REM1: variants seen among roughly 807,000 people sequenced by gnomAD.
The protein encoded by REM1 is GTP-binding protein REM 1.
In REM1, 20 loss-of-function variants were observed where a neutral mutation model predicts 27.0. The ratio of observed to expected loss-of-function variants is 0.74; its 90% CI spans 0.52 to 1.08. The LOEUF is 1.08. Ranked by LOEUF, REM1 falls within the 50% of genes least tolerant of loss-of-function variation. The probability of loss-of-function intolerance (pLI) is 0.00; values close to 1 mark genes in which losing one functional copy is unlikely to be tolerated. For synonymous variants in REM1, 159 were observed against 167.9 expected, an observed-to-expected ratio of 0.95 and a Z score of 0.41; for missense variants, 405 against 407.0, an observed-to-expected ratio of 1.00 and a Z score of 0.04.
At chr20:31,480,278 CATACATAG>C (rs1980686343) in intron 3 of REM1, among the ~76,000 whole-genome samples, 3 of 147,832 alleles carry the variant, frequency 2.0e-5, no homozygotes, top group African/African-American at 5.1e-5. Context: ...TACATACATA[CATACATAG>C]ATACTACAGC....
Position 31,477,884 on chromosome 20 carries a change from G to A in REM1, c.397G>A (p.Val133Met), listed in dbSNP as rs142116986. ...VDGEDTTLVV[V>M]DTWEAEKLDK... ...TGGAGAAGACACCACACTGGTGGTC[G>A]TGGACACCTGGGAGGCCGAGAAACT... The change falls in exon 3 of 5, where the codon GTG (valine) becomes ATG (methionine). Residue 133 changes from valine to methionine, a missense_variant. By Grantham distance (21) the Val-to-Met change is conservative. Coordinates refer to ENST00000201979, the MANE Select transcript of REM1 (RefSeq NM_014012.6). 1.9e-5 allele frequency: 30 copies of A among 1,612,156 alleles called. No homozygotes were observed. The highest frequency in any genetic ancestry group is 1.3e-4 in the South Asian group (12 of 90,852).
At position 31,475,920 on chromosome 20, in the gene REM1, C is replaced by G. The variant is rs1980478416; in HGVS notation, c.-219-307C>G. Among the ~76,000 whole-genome samples, 1 of 152,226 alleles carries G rather than the reference C, an allele frequency of 6.6e-6. No homozygotes were observed. Among genetic ancestry groups the G allele is most frequent in the African/African-American group, 2.4e-5 (1 of 41,450 alleles). On this transcript the variant is annotated intron_variant, in intron 1 of 4. Transcript: ENST00000201979. This position sits in a 1 kb window ranked among gnomAD's most constrained non-coding sequence, Gnocchi z 5.0. The stretch of plus-strand genomic sequence containing the variant: ...ATTGGGCATCGAAAGTTAAGTAGCC[C>G]CTACCCTTGGGGGAGACCTGAAACT...
intron 3 of REM1, among the ~76,000 whole-genome samples, chr20:31,479,289 C>A (rs1233733961): frequency 6.6e-6 from 1 of 152,132 alleles, no homozygotes. Flanking sequence ...TATCATGGAC[C>A]AGGACCTTGG....
At chr20:31,482,213 C>T in intron 3 of REM1, 74 bp from the exon 4 acceptor site, 1 of 1,427,504 alleles carries the variant, frequency 7.0e-7, no homozygotes, top group Non-Finnish European at 9.8e-7. Flanking sequence ...ACCCATTAGA[C>T]CATCCCAGCT....
At chr20:31,476,172 T>A (rs1307751261) in intron 1 of REM1, 55 bp from the exon 2 acceptor site, 7 of 455,318 alleles carry the variant, frequency 1.5e-5, no homozygotes, top group Non-Finnish European at 2.7e-5. Flanking sequence ...GGCCTCTGGG[T>A]GTGCATGTCT....
Position 31,484,058 on chromosome 20 carries a change from G to A in REM1, c.626-101G>A, listed in dbSNP as rs1380480937. 9 of 1,341,240 alleles carry A rather than the reference G, an allele frequency of 6.7e-6. No homozygotes were observed. In the East Asian group the frequency reaches 1.9e-4, roughly 28 times the overall value. 83.1% of individuals were successfully genotyped at this position (1,341,240 alleles called of 1,614,324 possible). A position where few individuals can be genotyped will look rare whatever the true frequency, so the allele number is the denominator to read the frequency against. On this transcript the variant is annotated intron_variant, in intron 4 of 4. Coordinates refer to ENST00000201979, the MANE Select transcript of REM1 (RefSeq NM_014012.6). Reference sequence around the variant, plus strand: ...GACAGCAGCACCAGGCATGAGCACAGGAAAAATTGCTTCCAATCGAGACTA... The same window carrying A: ...GACAGCAGCACCAGGCATGAGCACAAGAAAAATTGCTTCCAATCGAGACTA...
At chr20:31,478,433 TA>T (rs1980602869) in intron 3 of REM1, among the ~76,000 whole-genome samples, 2 of 152,162 alleles carry the variant, frequency 1.3e-5, no homozygotes, top group Non-Finnish European at 2.9e-5. Context: ...AACTGCTGAA[TA>T]GGGGTGAAGA....
chr20:31,476,333 C>T lies in REM1; in HGVS notation c.-113C>T, dbSNP rs745674430. On this transcript the variant is annotated 5_prime_UTR_variant, in exon 2 of 5. The change creates a premature stop within an existing upstream ORF in the 5' untranslated region. Transcript: ENST00000201979. Reference sequence around the variant, plus strand: ...AGAGGGGGATCTGGAAGAAGCCATACAGCAGCTCATCAGGACACTATAGAA... The same window carrying T: ...AGAGGGGGATCTGGAAGAAGCCATATAGCAGCTCATCAGGACACTATAGAA... 3.3e-5 allele frequency: 28 copies of T among 850,136 alleles called. No homozygotes were observed. The highest frequency in any genetic ancestry group is 2.0e-4 in the Admixed American group (8 of 40,100). 52.7% of individuals were successfully genotyped at this position (850,136 alleles called of 1,614,324 possible).
chr20:31,479,591 G>C lies in REM1; in HGVS notation c.423+1681G>C, dbSNP rs534483558. On this transcript the variant is annotated intron_variant, in intron 3 of 4. Coordinates refer to ENST00000201979, the MANE Select transcript of REM1 (RefSeq NM_014012.6). ...CCAGCAAAATTAGGAAACTGAACTA[G>C]TTTCCCTGATCGGTGACTGTGAAGA... is the stretch of plus-strand genomic sequence containing the variant. Among the ~76,000 whole-genome samples the C allele has an allele frequency of 4.6e-5, 7 of 152,296 alleles. No individual in the cohort carries two copies. In the East Asian group the frequency reaches 1.4e-3, roughly 29 times the overall value.
At chr20:31,483,537 G>A (rs558839383) in intron 4 of REM1, among the ~76,000 whole-genome samples, 4 of 152,122 alleles carry the variant, frequency 2.6e-5, no homozygotes, top group South Asian at 2.1e-4. Context: ...AATTTTAAAC[G>A]TCATATATGG....
At chr20:31,480,045 T>C (rs1227062663) in intron 3 of REM1, among the ~76,000 whole-genome samples, 1 of 152,032 alleles carries the variant, frequency 6.6e-6, no homozygotes, top group African/African-American at 2.4e-5. Context: ...GCAGAGATCA[T>C]GCCATTGCAC....
chr20:31,479,677 G>A (rs147332631), intron 3 of REM1, among the ~76,000 whole-genome samples: 23 of 152,276 alleles, frequency 1.5e-4, no homozygotes, highest in East Asian at 1.4e-3. Flanking sequence ...CATCCGTTCC[G>A]TCTGTGCGCT....
chr20:31,478,255 C>T (rs1211999258), intron 3 of REM1, among the ~76,000 whole-genome samples: 2 of 147,812 alleles, frequency 1.4e-5, no homozygotes, highest in Non-Finnish European at 3.0e-5. Context: ...AAGGCTGAAC[C>T]CCCTTTCTTT....
At chr20:31,482,560 A>C (rs1980775051) in intron 4 of REM1, 72 bp downstream of exon 4, 2 of 1,445,546 alleles carry the variant, frequency 1.4e-6, no homozygotes, top group African/African-American at 2.8e-5. Flanking sequence ...AGCGCTCTTC[A>C]TCTCAGTGAC....
chr20:31,484,375 G>GA lies in REM1; in HGVS notation c.842_843insA (p.Arg282ProfsTer93). ...GCACGCCTGACAGCCCGCAGCGCAC[G>GA]CCGCCGGGCACTCAAGGCCCGCTCC... is the stretch of plus-strand genomic sequence containing the variant. On this transcript the variant is annotated frameshift_variant, in exon 5 of 5. Transcript: ENST00000201979. LOFTEE classifies it high-confidence loss of function. The GA allele has an allele frequency of 7.1e-6, 11 of 1,553,872 alleles. No homozygotes were observed. Among genetic ancestry groups the GA allele is most frequent in the Non-Finnish European group, 9.6e-6 (11 of 1,150,188 alleles).
intron 3 of REM1, among the ~76,000 whole-genome samples, chr20:31,482,000 C>A (rs985619922): frequency 2.0e-5 from 3 of 152,140 alleles, no homozygotes; most frequent in African/African-American, 7.2e-5. Context: ...GAACAGGAAC[C>A]AAGTAAATTT....
At chr20:31,476,871 T>A in intron 2 of REM1, 86 bp downstream of exon 2, 2 of 1,133,200 alleles carry the variant, frequency 1.8e-6, no homozygotes, top group Non-Finnish European at 2.5e-6. Context: ...AGAACAGTTG[T>A]ACAAGTCATG....
intron 4 of REM1, 120 bp downstream of exon 4, chr20:31,482,608 C>A: frequency 2.1e-6 from 2 of 965,626 alleles, no homozygotes; most frequent in Non-Finnish European, 3.1e-6. Context: ...CAGCCACTTG[C>A]CTAAGCCTGC....
chr20:31,482,540 C>T (rs1262406022), intron 4 of REM1, 52 bp downstream of exon 4: 1 of 1,551,680 alleles, frequency 6.4e-7, no homozygotes. Flanking sequence ...ACTGTCATGG[C>T]TGCTCCTCCA....
Sources: gnomAD v4.1 joint callset for allele counts (sites outside exome capture counted in the v4.1 genomes callset) on GRCh38, gnomAD v4.1.1 for gene constraint, Gnocchi (gnomAD v3.1) non-coding constraint, MANE v1.5 for transcripts, NCBI Gene and HGNC (gene_info 2026-07-23, HGNC 2026-07-21) for gene names.